CZIB: variants seen among roughly 807,000 people sequenced by gnomAD.
The protein encoded by CZIB is CXXC motif containing zinc binding protein, also known as UPF0587 protein C1orf123.
Under a neutral mutation model 28.3 loss-of-function variants are expected in CZIB, and 26 were observed. The ratio of observed to expected loss-of-function variants is 0.92; its 90% confidence interval spans 0.67 to 1.27. The LOEUF (loss-of-function observed/expected upper bound fraction) is 1.27. Ranked by LOEUF, CZIB falls within the 50% of genes most tolerant of loss-of-function variation. CZIB has a pLI of 0.00. For synonymous variants in CZIB, 78 were observed against 71.1 expected (o/e 1.10, Z -0.49); for missense variants, 179 against 197.3 (o/e 0.91, Z 0.56).
intron 5 of CZIB, chr1:53,217,892 A>G: frequency 2.4e-6 from 1 of 419,128 alleles, no homozygotes; most frequent in South Asian, 4.2e-5. Context: ...TAAAATGAAG[A>G]CAAGGCAAGT....
intron 2 of CZIB, 179 bp from the exon 3 acceptor site, chr1:53,219,102 G>T: frequency 1.6e-6 from 1 of 628,626 alleles, no homozygotes; most frequent in East Asian, 2.8e-5. Flanking sequence ...GCAAAGGATA[G>T]GTAAGGCTGT....
chr1:53,220,307 A>G lies in CZIB; in HGVS notation c.44T>C (p.Ile15Thr). ...ALQLKATLEN[I>T]TNLRPVGEDF... is the part of the protein sequence containing the mutation. ...CTCGCCCACGGGCCGGAGGTTGGTG[A>G]TGTTCTCCAGCGTGGCTTTGAGTTG... is the stretch of plus-strand genomic sequence containing the variant. The change falls in exon 2 of 8, where the codon ATC (isoleucine) becomes ACC (threonine). Residue 15 changes from isoleucine to threonine, a missense_variant. Ile to Thr is a moderately conservative substitution (Grantham distance 89). Transcript: ENST00000294360. 1 of 1,613,588 alleles carries G rather than the reference A, an allele frequency of 6.2e-7. No individual in the cohort carries two copies. The highest frequency in any genetic ancestry group is 8.5e-7 in the Non-Finnish European group (1 of 1,179,930).
Position 53,217,125 on chromosome 1 carries a change from C to T in CZIB, c.262-266G>A, listed in dbSNP as rs1645479710. The T allele has an allele frequency of 3.3e-5, 13 of 395,140 alleles. No individual in the cohort carries two copies. The South Asian group carries it at 3.7e-4, about 11-fold the overall frequency. The allele number at this position is 395,140 out of a possible 1,614,324, so 24.5% of individuals were successfully genotyped here. A position where few individuals can be genotyped will look rare whatever the true frequency, so the allele number is the denominator to read the frequency against. ...ATGTAAGGTAAGCTCTGCCTATCTTCCCCTCTGGGCCCAAGATTCCTAAAC... is the reference window on the plus strand; with the variant it reads ...ATGTAAGGTAAGCTCTGCCTATCTTTCCCTCTGGGCCCAAGATTCCTAAAC... On this transcript the variant is annotated intron_variant, in intron 5 of 7. Transcript: ENST00000294360.
rs781617983 is a variant in CZIB at position 53,220,568 on chromosome 1, A to ACCCCCATGGTAGCCCTCT, written c.-11_6+1dup. The ACCCCCATGGTAGCCCTCT allele has an allele frequency of 3.1e-6, 5 of 1,595,682 alleles. No individual in the cohort carries two copies. The Admixed American group carries it at 5.0e-5, about 16-fold the overall frequency. On this transcript the variant is annotated splice_donor_variant, in intron 1 of 7. Coordinates refer to ENST00000294360, the MANE Select transcript of CZIB (RefSeq NM_017887.3). LOFTEE classifies it high-confidence loss of function. The stretch of plus-strand genomic sequence containing the variant: ...TCCCCGCGGCGGGCGGCCTCCCCTC[A>ACCCCCATGGTAGCCCTCT]CCCCCATGGTAGCCCTCTCCGCCCG...
At chr1:53,215,958 T>C (rs768075807) in intron 7 of CZIB, 33 bp downstream of exon 7, 35 of 1,609,450 alleles carry the variant, frequency 2.2e-5, no homozygotes, top group Non-Finnish European at 2.8e-5. Context: ...CCAGGTGCCC[T>C]ACAGTACCTC....
At chr1:53,216,430 C>G (rs1645473523) in intron 6 of CZIB, among the ~76,000 whole-genome samples, 1 of 152,122 alleles carries the variant, frequency 6.6e-6, no homozygotes. Context: ...GTGAAACATG[C>G]ACAAATAAAG....
In CZIB at chr1:53,214,726, T is replaced by TC. The variant is rs1645458322; in HGVS notation, c.415dup (p.Asp139GlyfsTer3). On this transcript the variant is annotated frameshift_variant, in exon 8 of 8. Transcript: ENST00000294360. LOFTEE classifies it high-confidence loss of function. ...AGACTCCTGGGCCTTTTCATCATAG[T>TC]CAGTCCAGTCCTGGGAAACAAAATG... 1.2e-6 allele frequency: 2 copies of TC among 1,613,504 alleles called. No individual in the cohort carries two copies. The highest frequency in any genetic ancestry group is 1.3e-5 in the African/African-American group (1 of 74,910).
chr1:53,218,734 C>T, intron 3 of CZIB, 133 bp downstream of exon 3: 1 of 950,282 alleles, frequency 1.1e-6, no homozygotes, highest in Non-Finnish European at 1.7e-6. Context: ...CACACTGACA[C>T]CTACCCTCCC....
At position 53,214,438 on chromosome 1, in the gene CZIB, A is replaced by T; in HGVS notation, c.*221T>A. 2.0e-6 allele frequency: 1 copy of T among 511,916 alleles called. No individual in the cohort carries two copies. The highest frequency in any genetic ancestry group is 3.2e-5 in the Admixed American group (1 of 31,108). 31.7% of individuals were successfully genotyped at this position (511,916 alleles called of 1,614,324 possible). On this transcript the variant is annotated 3_prime_UTR_variant, in exon 8 of 8. Transcript: ENST00000294360. The stretch of plus-strand genomic sequence containing the variant: ...TGCACGAATTCTTATTTGTGGAGGG[A>T]GTAGCTGCCTCCTTACTTCACCTTC...
In CZIB at chr1:53,214,106, T is replaced by C. The variant is rs1645450958; in HGVS notation, c.*553A>G. On this transcript the variant is annotated 3_prime_UTR_variant, in exon 8 of 8. Coordinates refer to ENST00000294360, the MANE Select transcript of CZIB (RefSeq NM_017887.3). ...ACTGAAGATAACAAGAGATTTAAGT[T>C]TTAAGGGCATTTAATCAGGAGGAAA... 1 of 165,772 alleles carries C rather than the reference T, an allele frequency of 6.0e-6. No individual in the cohort carries two copies. The highest frequency in any genetic ancestry group is 2.4e-5 in the African/African-American group (1 of 41,580). The allele number at this position is 165,772 out of a possible 1,614,324, so 10.3% of individuals were successfully genotyped here. A position where few individuals can be genotyped will look rare whatever the true frequency, so the allele number is the denominator to read the frequency against.
Position 53,220,608 on chromosome 1 carries a change from C to T in CZIB, c.-33G>A, listed in dbSNP as rs758509486. The T allele has an allele frequency of 5.6e-6, 9 of 1,593,272 alleles. No homozygotes were observed. The highest frequency in any genetic ancestry group is 1.1e-5 in the South Asian group (1 of 90,672). On this transcript the variant is annotated 5_prime_UTR_variant, in exon 1 of 8. Transcript: ENST00000294360. Reference sequence around the variant, plus strand: ...CTCTCCGCCCGGTGCTGGCTGCGGCCCTTGCCGTTGCTTTCCGGCGCGTCG... The same window carrying T: ...CTCTCCGCCCGGTGCTGGCTGCGGCTCTTGCCGTTGCTTTCCGGCGCGTCG...
intron 3 of CZIB, 111 bp from the exon 4 acceptor site, chr1:53,218,606 G>A (rs1645489955): frequency 1.8e-6 from 2 of 1,140,508 alleles, no homozygotes; most frequent in Non-Finnish European, 2.6e-6. Flanking sequence ...CCCAGAAAGG[G>A]TAACTTACTA....
At chr1:53,216,738 C>CGT (rs1399916750) in intron 6 of CZIB, 44 bp downstream of exon 6, 1 of 1,556,004 alleles carries the variant, frequency 6.4e-7, no homozygotes, top group Non-Finnish European at 8.9e-7. Flanking sequence ...CTTCATACAT[C>CGT]CCCTCCCCAA....
Position 53,220,632 on chromosome 1 carries a change from C to T in CZIB, c.-57G>A, listed in dbSNP as rs1412928738. 1.9e-6 allele frequency: 3 copies of T among 1,586,070 alleles called. No homozygotes were observed. In the South Asian group the frequency reaches 3.3e-5, roughly 18 times the overall value. ...CCCTTGCCGTTGCTTTCCGGCGCGT[C>T]GTAAAAGGCGGGTGCCGTCTGCGCA... On this transcript the variant is annotated 5_prime_UTR_variant, in exon 1 of 8. Coordinates refer to ENST00000294360, the MANE Select transcript of CZIB (RefSeq NM_017887.3).
chr1:53,218,566 CCATTTATTGTCCACTTAAAGAGACCAA>C (rs1462590964), intron 3 of CZIB, 71 bp from the exon 4 acceptor site: 1 of 1,460,696 alleles, frequency 6.8e-7, no homozygotes, highest in Non-Finnish European at 9.5e-7. Context: ...ATCGAGCCCA[CCATTTATTGTCCACTTAAAGAGACCAA>C]GACCCAGAAA....
chr1:53,216,084 G>C lies in CZIB; in HGVS notation c.340-28C>G, dbSNP rs370689910. ...GCAGGGCACAAGAAGGTACCAGTTA[G>C]TCTTGGCAAAAGAAGGCATTGGGCT... On this transcript the variant is annotated intron_variant, in intron 6 of 7. Transcript: ENST00000294360. 2,816 of 1,612,988 alleles carry C rather than the reference G, an allele frequency of 1.7e-3. 1 individual carries two copies. The highest frequency in any genetic ancestry group is 2.2e-3 in the Non-Finnish European group (2,579 of 1,179,040).
chr1:53,218,781 T>G, intron 3 of CZIB, 86 bp downstream of exon 3: 1 of 1,357,046 alleles, frequency 7.4e-7, no homozygotes, highest in Non-Finnish European at 1.1e-6. Context: ...ACTGGAGAGA[T>G]GAAGGCCAGT....
chr1:53,220,112 T>C (rs976050845), intron 2 of CZIB, 149 bp downstream of exon 2: 1 of 683,624 alleles, frequency 1.5e-6, no homozygotes, highest in Admixed American at 3.0e-5. Flanking sequence ...TACACTTTAA[T>C]AGAAAGCAAA....
intron 2 of CZIB, 46 bp downstream of exon 2, chr1:53,220,213 CTG>C: frequency 6.5e-7 from 1 of 1,529,958 alleles, no homozygotes; most frequent in African/African-American, 1.4e-5. Flanking sequence ...CGGTTCAGCA[CTG>C]AGATCAGGAC....
Sources: allele counts gnomAD v4.1 joint callset (sites outside exome capture counted in the v4.1 genomes callset), GRCh38; gene constraint gnomAD v4.1.1; transcripts MANE v1.5; gene names NCBI Gene and HGNC (gene_info 2026-07-23, HGNC 2026-07-21).